DHX57: variants seen among roughly 807,000 people sequenced by gnomAD.
DHX57 encodes putative ATP-dependent RNA helicase DHX57.
DHX57 carries 105 observed loss-of-function variants against 156.2 expected under a neutral mutation model. The ratio of observed to expected loss-of-function variants is 0.67; its 90% CI spans 0.57 to 0.79. The LOEUF is 0.79. Ranked by LOEUF, DHX57 falls within the 30% of genes least tolerant of loss-of-function variation. DHX57 has a pLI of 0.00. For synonymous variants in DHX57, 704 were observed against 595.6 expected (o/e 1.18, Z -2.65); for missense variants, 1,847 against 1,661.9 (o/e 1.11, Z -1.94).
At chr2:38,854,925 A>G in intron 8 of DHX57, 132 bp downstream of exon 8, 1 of 840,104 alleles carries the variant, frequency 1.2e-6, no homozygotes, top group East Asian at 2.5e-5. Flanking sequence ...TGATTACCAA[A>G]GGTAATCATT....
intron 21 of DHX57, chr2:38,810,673 T>C (rs1572624888): frequency 4.4e-6 from 3 of 688,842 alleles, no homozygotes; most frequent in Non-Finnish European, 2.7e-6. Flanking sequence ...AATGCAGTGG[T>C]GGGCAAAGTC....
At chr2:38,831,551 T>C (rs1273229702) in intron 13 of DHX57, among the ~76,000 whole-genome samples, 13 of 152,108 alleles carry the variant, frequency 8.5e-5, no homozygotes, top group Admixed American at 8.5e-4. Flanking sequence ...AATAGTCTTC[T>C]CCTTTGGAAT....
chr2:38,841,608 A>T (rs2124873565), intron 12 of DHX57, among the ~76,000 whole-genome samples: 1 of 152,360 alleles, frequency 6.6e-6, no homozygotes, highest in African/African-American at 2.4e-5. Flanking sequence ...TGTATCCTAC[A>T]GAAGCAGTAA....
chr2:38,811,268 G>GC, intron 21 of DHX57: 2 of 516,760 alleles, frequency 3.9e-6, no homozygotes, highest in Non-Finnish European at 7.7e-6. Flanking sequence ...AATCTGGGGG[G>GC]CCAGCGAGTA....
chr2:38,856,503 CTTTTTTTTTTT>C lies in DHX57; in HGVS notation c.1588-53_1588-43del, dbSNP rs372510406. The C allele has an allele frequency of 9.3e-6, 13 of 1,392,170 alleles. No individual in the cohort carries two copies. In the African/African-American group the frequency reaches 2.1e-4, roughly 22 times the overall value. 86.2% of individuals were successfully genotyped at this position (1,392,170 alleles called of 1,614,324 possible). Reference sequence around the variant, plus strand: ...TAAGATATCAGTTGGGTTACTTTTTCTTTTTTTTTTTTTTTTTTTGAGACAGGGTCTCACTC... The same window carrying C: ...TAAGATATCAGTTGGGTTACTTTTTCTTTTTTTTGAGACAGGGTCTCACTC... On this transcript the variant is annotated intron_variant, in intron 6 of 23. Transcript: ENST00000457308.
At chr2:38,870,806 G>C (rs1665317353) in intron 1 of DHX57, among the ~76,000 whole-genome samples, 1 of 151,884 alleles carries the variant, frequency 6.6e-6, no homozygotes, top group East Asian at 1.9e-4. Context: ...TTGAACATGG[G>C]AGACAGAAGA....
At chr2:38,808,067 G>A (rs2148535424) in intron 21 of DHX57, among the ~76,000 whole-genome samples, 1 of 141,874 alleles carries the variant, frequency 7.0e-6, no homozygotes, top group South Asian at 2.2e-4. Context: ...TGATTCTCCT[G>A]CCTCAGCCTC....
chr2:38,849,753 T>C (rs1323654537), intron 9 of DHX57, among the ~76,000 whole-genome samples: 1 of 152,174 alleles, frequency 6.6e-6, no homozygotes, highest in Non-Finnish European at 1.5e-5. Context: ...GGGTCTTTTG[T>C]ACATGTTATT....
rs187141180 is a variant in DHX57 at position 38,830,011 on chromosome 2, T to C, written c.2543-1575A>G. On this transcript the variant is annotated intron_variant, in intron 13 of 23. Transcript: ENST00000457308. ...AGCAGTCACTCAGCAATAGTCACCT[T>C]CTTTTGTGCTTTATTCAGGGAGAAA... Among the ~76,000 whole-genome samples, 37 of 152,326 alleles carry C rather than the reference T, an allele frequency of 2.4e-4. 1 individual carries two copies. The highest frequency in any genetic ancestry group is 8.9e-4 in the African/African-American group (37 of 41,570).
intron 9 of DHX57, among the ~76,000 whole-genome samples, chr2:38,852,574 C>T (rs889595180): frequency 2.0e-5 from 3 of 151,008 alleles, no homozygotes; most frequent in Non-Finnish European, 4.4e-5. Context: ...CTTCCTGGCC[C>T]TCCTCAGTAC....
chr2:38,867,049 T>C (rs1441402304), intron 2 of DHX57: 2 of 152,248 alleles, frequency 1.3e-5, no homozygotes, highest in South Asian at 2.1e-4. Flanking sequence ...TAATCTCTTA[T>C]ACTCTATTTT....
intron 23 of DHX57, among the ~76,000 whole-genome samples, chr2:38,801,534 T>C (rs1263684846): frequency 6.6e-6 from 1 of 152,064 alleles, no homozygotes; most frequent in Non-Finnish European, 1.5e-5. Context: ...CTCAGCCTCC[T>C]GAGTAGCTGG....
intron 5 of DHX57, among the ~76,000 whole-genome samples, chr2:38,859,628 C>T (rs926182343): frequency 2.0e-5 from 3 of 152,178 alleles, no homozygotes; most frequent in Middle Eastern, 3.4e-3. Context: ...GAATCCCATG[C>T]GCTAGAAGCT....
chr2:38,813,495 C>A (rs6708518), intron 21 of DHX57, among the ~76,000 whole-genome samples: 7 of 151,554 alleles, frequency 4.6e-5, no homozygotes, highest in African/African-American at 1.7e-4. Flanking sequence ...CTCAGCCTCC[C>A]GAGTAGCTGG....
intron 7 of DHX57, 96 bp downstream of exon 7, chr2:38,856,244 C>T (rs1463728166): frequency 5.4e-6 from 8 of 1,493,504 alleles, no homozygotes; most frequent in Non-Finnish European, 7.1e-6. Flanking sequence ...TCTATAAATC[C>T]AGCTACAGTT....
intron 12 of DHX57, 101 bp from the exon 13 acceptor site, chr2:38,838,048 G>T: frequency 2.6e-6 from 2 of 771,210 alleles, no homozygotes; most frequent in Non-Finnish European, 4.4e-6. Context: ...AATTAGGTGA[G>T]TGTTGGTTTA....
intron 13 of DHX57, among the ~76,000 whole-genome samples, chr2:38,835,491 C>G (rs59364009): frequency 0.019 from 2,907 of 152,296 alleles, 101 homozygotes; most frequent in African/African-American, 0.067. Context: ...TGCCAAAGTT[C>G]TTTTCATACT....
chr2:38,870,602 G>A (rs1238168430), intron 1 of DHX57, among the ~76,000 whole-genome samples: 1 of 152,314 alleles, frequency 6.6e-6, no homozygotes, highest in East Asian at 1.9e-4. Flanking sequence ...AAATAGGGCT[G>A]GGCGTGGTGG....
chr2:38,866,068 G>T (rs183073470), intron 2 of DHX57, among the ~76,000 whole-genome samples: 139 of 122,008 alleles, frequency 1.1e-3, no homozygotes, highest in African/African-American at 3.4e-3. Context: ...CTGGTGTGGG[G>T]CTATAACTGT....
Sources: allele counts gnomAD v4.1 joint callset (sites outside exome capture counted in the v4.1 genomes callset), GRCh38; gene constraint gnomAD v4.1.1; transcripts MANE v1.5; gene names NCBI Gene and HGNC (gene_info 2026-07-23, HGNC 2026-07-21).